The following COL12A1 variants were observed in gnomAD, a reference collection of about 807,000 sequenced individuals.
The protein encoded by COL12A1 is collagen type XII alpha 1 chain, also known as collagen alpha-1(XII) chain.
COL12A1 carries 114 observed loss-of-function variants against 349.7 expected under a neutral mutation model. The ratio of observed to expected loss-of-function variants is 0.33; its 90% confidence interval spans 0.28 to 0.38. The LOEUF is 0.38. COL12A1 is among the 10% of genes least tolerant of loss of function. COL12A1 has a pLI of 1.00. For synonymous variants in COL12A1, 1,369 were observed against 1,329.0 expected (o/e 1.03, Z -0.66); for missense variants, 3,284 against 3,756.9 (o/e 0.87, Z 3.29).
chr6:75,096,728 C>G (rs1275425866), intron 59 of COL12A1, among the ~76,000 whole-genome samples: 1 of 151,946 alleles, frequency 6.6e-6, no homozygotes, highest in East Asian at 1.9e-4. Context: ...AACCCCGTCT[C>G]TACTAAAAAT....
Position 75,156,262 on chromosome 6 carries a change from G to C in COL12A1, c.3245C>G (p.Thr1082Arg), listed in dbSNP as rs762817385. ...ATATAATTATTATTTCATACCTGTTGTTCCTGATCCTTGCCTAAGCTTTCC... is the reference window on the plus strand; with the variant it reads ...ATATAATTATTATTTCATACCTGTTCTTCCTGATCCTTGCCTAAGCTTTCC... ...GEGKLRQGSGTTASRFKSPRN... is the reference protein window; with the variant it reads ...GEGKLRQGSGRTASRFKSPRN... Residue 1082 changes from threonine (T) to arginine (R), a missense_variant, in exon 15 of 66, where the codon ACA (threonine) becomes AGA (arginine). This residue lies in a region of COL12A1 where 2,601 missense variants were observed against 2,824.8 expected (regional missense o/e 0.92). Coordinates refer to ENST00000322507, the MANE Select transcript of COL12A1 (RefSeq NM_004370.6). The C allele has an allele frequency of 9.0e-5, 145 of 1,613,590 alleles. No individual in the cohort carries two copies. The highest frequency in any genetic ancestry group is 1.2e-4 in the Non-Finnish European group (137 of 1,179,750).
intron 14 of COL12A1, among the ~76,000 whole-genome samples, chr6:75,164,398 A>T (rs184652685): frequency 6.6e-6 from 1 of 152,112 alleles, no homozygotes; most frequent in Non-Finnish European, 1.5e-5. Context: ...AAAATCACCA[A>T]ATTCCTCTAT....
chr6:75,170,091 A>C lies in COL12A1; in HGVS notation c.2711-4312T>G, dbSNP rs545446395. 3.9e-5 allele frequency among the ~76,000 whole-genome samples: 6 copies of C among 152,330 alleles called. No homozygotes were observed. In the East Asian group the frequency reaches 1.2e-3, roughly 29 times the overall value. On this transcript the variant is annotated intron_variant, in intron 13 of 65. Coordinates refer to ENST00000322507, the MANE Select transcript of COL12A1 (RefSeq NM_004370.6). ...CAAAGAACTAATGCCTCATTTAAGT[A>C]ACTTTCCTATGTTTCCTTACCCCTT...
At chr6:75,172,152 C>T (rs1768671371) in intron 13 of COL12A1, among the ~76,000 whole-genome samples, 1 of 152,152 alleles carries the variant, frequency 6.6e-6, no homozygotes, top group South Asian at 2.1e-4. Context: ...TGTATACTCA[C>T]ACATGCGTAC....
chr6:75,128,566 G>T, intron 37 of COL12A1, 141 bp from the exon 38 acceptor site: 1 of 646,468 alleles, frequency 1.5e-6, no homozygotes, highest in Non-Finnish European at 2.2e-6. Flanking sequence ...CTCGTGACAA[G>T]ACAAACTATC....
chr6:75,099,526 T>C (rs574986051), intron 58 of COL12A1, among the ~76,000 whole-genome samples: 58 of 152,378 alleles, frequency 3.8e-4, no homozygotes, highest in African/African-American at 1.2e-3. Flanking sequence ...CATTTCCTTT[T>C]AGAGGAAATA....
chr6:75,151,200 G>A lies in COL12A1; in HGVS notation c.4088C>T (p.Ser1363Leu), dbSNP rs988717957. 6.2e-7 allele frequency: 1 copy of A among 1,613,452 alleles called. No individual in the cohort carries two copies. The highest frequency in any genetic ancestry group is 1.3e-5 in the African/African-American group (1 of 74,964). Reference protein sequence around the residue: ...THAYNVADFESLSRIVDDLTI... With the variant: ...THAYNVADFELLSRIVDDLTI... ...GAGATCATCCACTATCCTGGAGAGT[G>A]ACTCAAAATCTGCCACATTGTATGC... The change falls in exon 21 of 66, where the codon TCA becomes TTA. Residue 1363 changes from serine to leucine, a missense_variant. Physicochemically the swap from Ser to Leu is moderately radical, Grantham distance 145. Coordinates refer to ENST00000322507, the MANE Select transcript of COL12A1 (RefSeq NM_004370.6).
chr6:75,146,453 C>G (rs1344598234), intron 23 of COL12A1, among the ~76,000 whole-genome samples: 1 of 152,188 alleles, frequency 6.6e-6, no homozygotes, highest in Non-Finnish European at 1.5e-5. Context: ...CTGCACGTTA[C>G]CACTATCTTG....
chr6:75,203,356 T>C (rs1182235967), intron 1 of COL12A1, among the ~76,000 whole-genome samples: 10 of 152,220 alleles, frequency 6.6e-5, no homozygotes, highest in Non-Finnish European at 1.3e-4. Context: ...AAATGGATTA[T>C]ACAGAAATAT....
At position 75,133,877 on chromosome 6, in the gene COL12A1, G is replaced by A. The variant is rs565471668; in HGVS notation, c.5645C>T (p.Ala1882Val). ...AATTACCAGTTCCTCTGGACCACCT[G>A]CTGCTGGTGCATAGAAGAGCTTGTA... Reference protein sequence around the residue: ...RQYKLFYAPAAGGPEELVPIP... With the variant: ...RQYKLFYAPAVGGPEELVPIP... Residue 1882 changes from alanine (A) to valine (V), a missense_variant, in exon 33 of 66, where the codon GCA becomes GTA. Ala to Val is a moderately conservative substitution (Grantham distance 64, BLOSUM62 0). This residue lies in a region of COL12A1 where 2,601 missense variants were observed against 2,824.8 expected (regional missense o/e 0.92). Coordinates refer to ENST00000322507, the MANE Select transcript of COL12A1 (RefSeq NM_004370.6). 29 of 1,614,062 alleles carry A rather than the reference G, an allele frequency of 1.8e-5. No homozygotes were observed. The East Asian group carries it at 6.2e-4, about 35-fold the overall frequency.
At position 75,179,366 on chromosome 6, in the gene COL12A1, AG is replaced by A. The variant is rs535065688; in HGVS notation, c.2165-1432del. Among the ~76,000 whole-genome samples, 692 of 152,258 alleles carry A rather than the reference AG, an allele frequency of 4.5e-3. 16 individuals are homozygous for A. Among genetic ancestry groups the A allele is most frequent in the Non-Finnish European group, 2.6e-3 (180 of 68,010 alleles). On this transcript the variant is annotated intron_variant, in intron 11 of 65. Transcript: ENST00000322507. ...CCATTCCCCTCCCAAAATGCTGAAA[AG>A]AAAGGGTCAGGGTCATCGAGCAGCA...
At chr6:75,151,482 C>T (rs1047952033) in intron 20 of COL12A1, among the ~76,000 whole-genome samples, 195 bp from the exon 21 acceptor site, 1 of 152,072 alleles carries the variant, frequency 6.6e-6, no homozygotes, top group African/African-American at 2.4e-5. Context: ...AAACTGAAAG[C>T]TCTTTTAAAT....
chr6:75,172,814 T>A (rs961639451), intron 13 of COL12A1, among the ~76,000 whole-genome samples: 4 of 152,200 alleles, frequency 2.6e-5, no homozygotes, highest in Non-Finnish European at 5.9e-5. Flanking sequence ...GAAGGTCCAC[T>A]TATATGCAGA....
chr6:75,124,698 G>A (rs1765927179), intron 40 of COL12A1, among the ~76,000 whole-genome samples: 1 of 152,042 alleles, frequency 6.6e-6, no homozygotes. Context: ...CAAAGCAATG[G>A]TGACCTTAAA....
chr6:75,119,580 A>G, intron 44 of COL12A1, 107 bp from the exon 45 acceptor site: 1 of 1,271,102 alleles, frequency 7.9e-7, no homozygotes, highest in Non-Finnish European at 1.1e-6. Flanking sequence ...TGTAAAAAGT[A>G]TCTCAGACCT....
At chr6:75,167,899 C>T (rs192299462) in intron 13 of COL12A1, among the ~76,000 whole-genome samples, 59 of 152,244 alleles carry the variant, frequency 3.9e-4, no homozygotes, top group African/African-American at 1.2e-3. Context: ...TTTTAAGATG[C>T]AAATTAAAAA....
rs1184570842 is a variant in COL12A1 at position 75,128,928 on chromosome 6, T to G, written c.6211-503A>C. On this transcript the variant is annotated intron_variant, in intron 37 of 65. Transcript: ENST00000322507. ...AAATATCAGTTTGGCTGACACTAGT[T>G]AGCTGAAACAGATGGGAATACATTC... Among the ~76,000 whole-genome samples the G allele has an allele frequency of 2.6e-5, 4 of 152,228 alleles. No individual in the cohort carries two copies. In the East Asian group the frequency reaches 7.7e-4, roughly 29 times the overall value.
rs938813994 is a variant in COL12A1, at chr6:75,123,344, G to A, written c.6932C>T (p.Pro2311Leu). Residue 2311 changes from proline (P) to leucine (L), a missense_variant, in exon 43 of 66, where the codon CCA (proline) becomes CTA (leucine). Physicochemically the swap from Pro to Leu is moderately conservative, Grantham distance 98. Around this residue, in one of 2 missense-constraint regions of COL12A1, gnomAD observed 2,601 missense variants for 2,824.8 expected, o/e 0.92. Transcript: ENST00000322507. ...PPTPPPPPTI[P>L]PARDVCKGAK... ...GCTGTACTTACCATCCCGGGCTGGT[G>A]GAATGGTGGGAGGGGGAGGAGGTGT... 5.6e-6 allele frequency: 9 copies of A among 1,609,192 alleles called. No individual in the cohort carries two copies. The highest frequency in any genetic ancestry group is 1.3e-5 in the African/African-American group (1 of 74,814).
intron 2 of COL12A1, among the ~76,000 whole-genome samples, chr6:75,200,844 C>T (rs936750571): frequency 6.6e-6 from 1 of 151,130 alleles, no homozygotes; most frequent in Non-Finnish European, 1.5e-5. Flanking sequence ...TTTGACAATG[C>T]CAAACTAGAG....
Sources: gnomAD v4.1 joint callset for allele counts (sites outside exome capture counted in the v4.1 genomes callset) on GRCh38, gnomAD v4.1.1 for gene constraint, gnomAD v4.1.1 regional missense constraint, MANE v1.5 for transcripts, NCBI Gene and HGNC (gene_info 2026-07-23, HGNC 2026-07-21) for gene names.